CDS2: variants seen among roughly 807,000 people sequenced by gnomAD.
The protein encoded by CDS2 is phosphatidate cytidylyltransferase 2.
Under a neutral mutation model 59.0 loss-of-function variants are expected in CDS2, and 47 were observed. The ratio of observed to expected loss-of-function variants is 0.80; its 90% CI spans 0.63 to 1.02. The LOEUF is 1.02. CDS2 is among the 50% of genes least tolerant of loss of function. The pLI, the probability that CDS2 is intolerant of heterozygous loss-of-function variation, is 0.00. For missense variants in CDS2, 356 were observed against 558.9 expected (o/e 0.64, Z 3.66); for synonymous variants, 207 against 206.4 (o/e 1.00, Z -0.02).
chr20:5,181,669 T>C (rs2091034629), intron 5 of CDS2, among the ~76,000 whole-genome samples: 1 of 152,224 alleles, frequency 6.6e-6, no homozygotes, highest in African/African-American at 2.4e-5. Context: ...CATTTTGTCA[T>C]TGTGCAAACA....
rs1278626047 is a variant in CDS2 at position 5,195,883 on chromosome 20, G to A, written c.*5649G>A. The stretch of plus-strand genomic sequence containing the variant: ...GCAAAGACTCAAATGGGTGACTCAT[G>A]AATGAAGGGAGAACAGGCACAGGAC... On this transcript the variant is annotated 3_prime_UTR_variant, in exon 13 of 13. Transcript: ENST00000460006. 6.6e-6 allele frequency: 1 copy of A among 152,152 alleles called. No homozygotes were observed. The allele number at this position is 152,152 out of a possible 1,614,324, so 9.4% of individuals were successfully genotyped here.
intron 1 of CDS2, among the ~76,000 whole-genome samples, chr20:5,132,957 G>A (rs2090619383): frequency 6.6e-6 from 1 of 151,782 alleles, no homozygotes; most frequent in South Asian, 2.1e-4. Context: ...CGGATCACGA[G>A]GTCAGGACAT....
intron 1 of CDS2, among the ~76,000 whole-genome samples, chr20:5,127,416 C>T (rs1341832909): frequency 1.3e-5 from 2 of 152,132 alleles, no homozygotes; most frequent in Admixed American, 1.3e-4. Flanking sequence ...GGCGCACGGC[C>T]TCCTGCCTCG....
At chr20:5,147,628 TC>T (rs1450271488) in intron 1 of CDS2, among the ~76,000 whole-genome samples, 7 of 152,092 alleles carry the variant, frequency 4.6e-5, no homozygotes, top group African/African-American at 1.7e-4. Context: ...GGTCTCGAAC[TC>T]CTGGCCTCAG....
intron 1 of CDS2, among the ~76,000 whole-genome samples, chr20:5,145,635 G>C (rs943922608): frequency 5.3e-5 from 8 of 152,018 alleles, no homozygotes; most frequent in Non-Finnish European, 8.8e-5. Context: ...AGACTATTTT[G>C]TCATCCAGAA....
At chr20:5,190,000 A>G in intron 12 of CDS2, 102 bp from the exon 13 acceptor site, 1 of 1,488,936 alleles carries the variant, frequency 6.7e-7, no homozygotes, top group Non-Finnish European at 9.2e-7. Flanking sequence ...ATCTGTTAAT[A>G]GATAACTCTC....
Position 5,176,763 on chromosome 20 carries a change from A to G in CDS2, c.389+18A>G. The G allele has an allele frequency of 6.3e-7, 1 of 1,576,102 alleles. No individual in the cohort carries two copies. Among genetic ancestry groups the G allele is most frequent in the Non-Finnish European group, 8.7e-7 (1 of 1,145,364 alleles). Reference sequence around the variant, plus strand: ...CTCAGCTGGTAAGCTCTCCGGCCCCACAGAGGCTTTTAGAATTTGGATGAT... The same window carrying G: ...CTCAGCTGGTAAGCTCTCCGGCCCCGCAGAGGCTTTTAGAATTTGGATGAT... On this transcript the variant is annotated intron_variant, in intron 4 of 12. Transcript: ENST00000460006.
chr20:5,189,966 A>G, intron 12 of CDS2, 128 bp downstream of exon 12: 1 of 1,370,796 alleles, frequency 7.3e-7, no homozygotes, highest in Non-Finnish European at 1.0e-6. Context: ...GTTTCTGCTT[A>G]CAGATTTTCT....
At chr20:5,169,924 C>T (rs1343247738) in intron 1 of CDS2, among the ~76,000 whole-genome samples, 2 of 152,174 alleles carry the variant, frequency 1.3e-5, no homozygotes, top group Admixed American at 1.3e-4. Context: ...TGATGCTCTC[C>T]TTGGGAAGGG....
chr20:5,186,221 G>A lies in CDS2; in HGVS notation c.828+395G>A, dbSNP rs74778147. 6.0e-3 allele frequency among the ~76,000 whole-genome samples: 909 copies of A among 152,292 alleles called. 10 individuals are homozygous for A. The highest frequency in any genetic ancestry group is 0.021 in the African/African-American group (869 of 41,554). On this transcript the variant is annotated intron_variant, in intron 9 of 12. Transcript: ENST00000460006. ...ACCATTCTCTGCTTCTGACCCTTGGGCCAGTCCTCCTTCTTCAGCACTGTC... is the reference window on the plus strand; with the variant it reads ...ACCATTCTCTGCTTCTGACCCTTGGACCAGTCCTCCTTCTTCAGCACTGTC...
chr20:5,162,498 T>C (rs557884820), intron 1 of CDS2, among the ~76,000 whole-genome samples: 5 of 152,314 alleles, frequency 3.3e-5, no homozygotes, highest in African/African-American at 9.6e-5. Context: ...TCAGTAGTTT[T>C]ACGGACAATG....
intron 1 of CDS2, among the ~76,000 whole-genome samples, chr20:5,162,450 G>A (rs777223417): frequency 1.3e-5 from 2 of 152,086 alleles, no homozygotes; most frequent in East Asian, 1.9e-4. Context: ...ATATAGACTC[G>A]CATGCTGTCA....
chr20:5,167,528 G>A (rs1157206706), intron 1 of CDS2, among the ~76,000 whole-genome samples: 2 of 152,036 alleles, frequency 1.3e-5, no homozygotes, highest in Admixed American at 1.3e-4. Flanking sequence ...GTCACACACT[G>A]GCCAGATATA....
At chr20:5,164,198 T>A (rs2090897100) in intron 1 of CDS2, among the ~76,000 whole-genome samples, 2 of 152,180 alleles carry the variant, frequency 1.3e-5, no homozygotes, top group African/African-American at 4.8e-5. Flanking sequence ...AGTTACAGTC[T>A]ATTTGATTGG....
rs1030144176 is a variant in CDS2, at chr20:5,149,363, A to G, written c.57+22214A>G. 3.3e-5 allele frequency among the ~76,000 whole-genome samples: 5 copies of G among 152,112 alleles called. No homozygotes were observed. The South Asian group carries it at 6.2e-4, about 19-fold the overall frequency. On this transcript the variant is annotated intron_variant, in intron 1 of 12. Transcript: ENST00000460006. Reference sequence around the variant, plus strand: ...GTTCACATTTTTCTTATTGACTTGTAAGGTTTTTAAATAGTTGAAGAAGTT... The same window carrying G: ...GTTCACATTTTTCTTATTGACTTGTGAGGTTTTTAAATAGTTGAAGAAGTT...
intron 1 of CDS2, chr20:5,168,693 A>G: frequency 1.9e-6 from 1 of 514,730 alleles, no homozygotes; most frequent in East Asian, 5.5e-5. Flanking sequence ...GCTGGCAGGA[A>G]ACCCAAACAG....
chr20:5,164,627 T>TA lies in CDS2; in HGVS notation c.58-8896_58-8895insA, dbSNP rs1568536942. On this transcript the variant is annotated intron_variant, in intron 1 of 12. Coordinates refer to ENST00000460006, the MANE Select transcript of CDS2 (RefSeq NM_003818.4). ...TTGGGAGAGCTTTATCTTAATAAAC[T>TA]GAAAAAAAAAAAAAATTCCTTCCTT... Among the ~76,000 whole-genome samples the TA allele has an allele frequency of 1.1e-3, 144 of 128,626 alleles. 1 individual carries two copies. The highest frequency in any genetic ancestry group is 3.6e-3 in the African/African-American group (133 of 36,712). 84.4% of individuals were successfully genotyped at this position (128,626 alleles called of 152,430 possible). A position where few individuals can be genotyped will look rare whatever the true frequency, so the allele number is the denominator to read the frequency against.
chr20:5,170,375 C>T (rs950667163), intron 1 of CDS2, among the ~76,000 whole-genome samples: 1 of 152,172 alleles, frequency 6.6e-6, no homozygotes, highest in Non-Finnish European at 1.5e-5. Context: ...ACTCAGCTTC[C>T]TTTTCCGGGG....
At chr20:5,174,804 G>A (rs1186304614) in intron 2 of CDS2, among the ~76,000 whole-genome samples, 1 of 152,072 alleles carries the variant, frequency 6.6e-6, no homozygotes, top group Non-Finnish European at 1.5e-5. Flanking sequence ...AATTATTCAG[G>A]GCAGTGCAGT....
Sources: allele counts gnomAD v4.1 joint callset (sites outside exome capture counted in the v4.1 genomes callset), GRCh38; gene constraint gnomAD v4.1.1; transcripts MANE v1.5; gene names NCBI Gene and HGNC (gene_info 2026-07-23, HGNC 2026-07-21).